SLC14A2: variants seen among roughly 807,000 people sequenced by gnomAD.
SLC14A2 encodes urea transporter 2.
A neutral mutation model predicts 104.6 loss-of-function variants in SLC14A2; 91 were observed. That is an observed-to-expected ratio of 0.87 (90% confidence interval 0.73 to 1.04). The LOEUF is 1.04. SLC14A2 is among the 50% of genes least tolerant of loss of function. SLC14A2 has a pLI of 0.00. For synonymous variants in SLC14A2, 476 were observed against 466.4 expected (o/e 1.02, Z -0.27); for missense variants, 1,189 against 1,156.0 (o/e 1.03, Z -0.41).
chr18:45,586,843 G>C (rs1356818364), intron 2 of SLC14A2, among the ~76,000 whole-genome samples: 2 of 152,120 alleles, frequency 1.3e-5, no homozygotes, highest in African/African-American at 2.4e-5. Context: ...ATCAGAGGGG[G>C]AGTCTTGGGG....
At chr18:45,554,143 G>C (rs2044094973) in intron 2 of SLC14A2, among the ~76,000 whole-genome samples, 1 of 152,182 alleles carries the variant, frequency 6.6e-6, no homozygotes, top group Non-Finnish European at 1.5e-5. Flanking sequence ...GAATTTGCAG[G>C]GTATAATTAT....
chr18:45,173,843 C>T, the SLC14A2 span, among the ~76,000 whole-genome samples: 1 of 152,116 alleles, frequency 6.6e-6, no homozygotes, highest in Admixed American at 6.6e-5. Context: ...CCCTGAGATG[C>T]TGCAACACAG....
intron 1 of SLC14A2, among the ~76,000 whole-genome samples, chr18:45,430,400 T>C (rs2086495397): frequency 6.6e-6 from 1 of 152,086 alleles, no homozygotes; most frequent in Non-Finnish European, 1.5e-5. Flanking sequence ...TGGCTATAAA[T>C]CAAGTTGAAT....
chr18:45,214,688 AT>A (rs2083992187), intron 1 of SLC14A2, among the ~76,000 whole-genome samples: 1 of 151,954 alleles, frequency 6.6e-6, no homozygotes, highest in African/African-American at 2.4e-5. Context: ...TCTCATATTG[AT>A]TTCTTGGCTT....
intron 1 of SLC14A2, among the ~76,000 whole-genome samples, chr18:45,213,762 C>T (rs1331888913): frequency 6.6e-6 from 1 of 152,136 alleles, no homozygotes; most frequent in Non-Finnish European, 1.5e-5. Context: ...AGTGACCAGT[C>T]AAATTAATGA....
intron 1 of SLC14A2, among the ~76,000 whole-genome samples, chr18:45,380,392 T>C (rs889781793): frequency 6.6e-5 from 10 of 152,214 alleles, no homozygotes; most frequent in Admixed American, 5.9e-4. Flanking sequence ...AGTAAGAGAA[T>C]GTTAGAAAGA....
chr18:45,330,817 C>T (rs953539053), intron 1 of SLC14A2, among the ~76,000 whole-genome samples: 2 of 152,206 alleles, frequency 1.3e-5, no homozygotes, highest in Non-Finnish European at 2.9e-5. Context: ...TTCATTGACA[C>T]TCACTAGCTA....
the SLC14A2 span, among the ~76,000 whole-genome samples, chr18:45,204,765 T>G: frequency 5.3e-5 from 8 of 152,032 alleles, 1 homozygote; most frequent in African/African-American, 1.9e-4. Flanking sequence ...CCAATGCATT[T>G]TCACGAATTA....
intron 1 of SLC14A2, among the ~76,000 whole-genome samples, chr18:45,392,417 C>T (rs2085980647): frequency 6.6e-6 from 1 of 152,142 alleles, no homozygotes. Context: ...GCCTCATTGC[C>T]CTCACAGTGC....
intron 2 of SLC14A2, among the ~76,000 whole-genome samples, chr18:45,517,904 G>T (rs1047695380): frequency 5.9e-5 from 9 of 152,112 alleles, no homozygotes; most frequent in African/African-American, 9.7e-5. Flanking sequence ...TTGCTCAAGG[G>T]GGCAAGGGAT....
intron 1 of SLC14A2, among the ~76,000 whole-genome samples, chr18:45,275,298 G>A (rs957920428): frequency 3.3e-5 from 5 of 152,166 alleles, no homozygotes; most frequent in African/African-American, 9.7e-5. Flanking sequence ...TGGAAAAAGT[G>A]TCATATTTGT....
At chr18:45,198,792 TCTC>T in the SLC14A2 span, among the ~76,000 whole-genome samples, 1 of 152,086 alleles carries the variant, frequency 6.6e-6, no homozygotes, top group East Asian at 1.9e-4. Flanking sequence ...ATCCCTTAGA[TCTC>T]CTCACTCTAA....
chr18:45,442,595 T>C (rs780946362), intron 1 of SLC14A2, among the ~76,000 whole-genome samples: 2 of 152,304 alleles, frequency 1.3e-5, no homozygotes, highest in East Asian at 3.9e-4. Context: ...TATAACCTTA[T>C]CTTAACTCAT....
In SLC14A2 at chr18:45,663,822, G is replaced by C. The variant is rs897387260; in HGVS notation, c.1389G>C (p.Lys463Asn). The C allele has an allele frequency of 6.2e-7, 1 of 1,613,298 alleles. No individual in the cohort carries two copies. The highest frequency in any genetic ancestry group is 1.7e-5 in the Admixed American group (1 of 60,016). The change falls in exon 11 of 20, where the codon AAG becomes AAC. Residue 463 changes from lysine (K) to asparagine (N), a missense_variant. Coordinates refer to ENST00000255226, the MANE Select transcript of SLC14A2 (RefSeq NM_007163.4). ...AGCATCCACCCACAGCAGGCCCAAA[G>C]GTGGAGGAGGGCTCGGAGGCTGTGC... is the stretch of plus-strand genomic sequence containing the variant. The part of the protein sequence containing the change: ...GGEHPPTAGP[K>N]VEEGSEAVLS...
chr18:45,509,441 T>C (rs2043333701), intron 2 of SLC14A2, among the ~76,000 whole-genome samples: 1 of 152,164 alleles, frequency 6.6e-6, no homozygotes, highest in South Asian at 2.1e-4. Flanking sequence ...TACACATAAA[T>C]GTTTTTCAGG....
intron 2 of SLC14A2, among the ~76,000 whole-genome samples, chr18:45,485,532 C>T (rs1209195610): frequency 6.6e-6 from 1 of 152,086 alleles, no homozygotes; most frequent in Non-Finnish European, 1.5e-5. Flanking sequence ...GAAATTTCTC[C>T]AAGGAATGTG....
chr18:45,175,360 A>G, the SLC14A2 span, among the ~76,000 whole-genome samples: 2 of 150,562 alleles, frequency 1.3e-5, no homozygotes, highest in African/African-American at 2.4e-5. Context: ...AAGGTAAAAA[A>G]AAGTGTCATA....
intron 2 of SLC14A2, among the ~76,000 whole-genome samples, chr18:45,572,093 C>T (rs1327646870): frequency 1.3e-5 from 2 of 152,152 alleles, no homozygotes; most frequent in African/African-American, 4.8e-5. Context: ...TGAGAGCTAC[C>T]GCTATGATCA....
intron 2 of SLC14A2, among the ~76,000 whole-genome samples, chr18:45,554,490 G>A (rs1253499917): frequency 6.6e-6 from 1 of 152,134 alleles, no homozygotes; most frequent in Non-Finnish European, 1.5e-5. Context: ...TGGACTCCTG[G>A]GGCTGCAAGG....
Sources: allele counts gnomAD v4.1 joint callset (sites outside exome capture counted in the v4.1 genomes callset), GRCh38; gene constraint gnomAD v4.1.1; transcripts MANE v1.5; gene names NCBI Gene and HGNC (gene_info 2026-07-23, HGNC 2026-07-21).